Variants in XKR9 observed in about 807,000 individuals in gnomAD.
XKR9 encodes the protein XK-related protein 9.
Under a neutral mutation model 32.0 loss-of-function variants are expected in XKR9, and 32 were observed. That is an observed-to-expected ratio of 1.00 (90% CI 0.76 to 1.34). The LOEUF (loss-of-function observed/expected upper bound fraction) is 1.34, where lower values mean the gene tolerates loss of function less well. Ranked by LOEUF, XKR9 falls within the 40% of genes most tolerant of loss-of-function variation. XKR9 has a pLI of 0.00. For synonymous variants in XKR9, 168 were observed against 143.4 expected, an observed-to-expected ratio of 1.17 and a Z score of -1.22; for missense variants, 546 against 429.7, an observed-to-expected ratio of 1.27 and a Z score of -2.39.
chr8:70,929,982 C>A, the XKR9 span, among the ~76,000 whole-genome samples: 1 of 152,172 alleles, frequency 6.6e-6, no homozygotes, highest in African/African-American at 2.4e-5. Context: ...GTCACAGGCA[C>A]CTTCTTCAGA....
At chr8:71,040,072 A>G in the XKR9 span, among the ~76,000 whole-genome samples, 31 of 152,350 alleles carry the variant, frequency 2.0e-4, no homozygotes, top group East Asian at 3.9e-4. Context: ...GTAATTATAT[A>G]CAAAGAAAGC....
chr8:70,901,892 C>G, the XKR9 span, among the ~76,000 whole-genome samples: 61 of 152,098 alleles, frequency 4.0e-4, no homozygotes, highest in African/African-American at 1.5e-3. Context: ...GCCAGTTTTC[C>G]CAGCACCATT....
intron 2 of XKR9, among the ~76,000 whole-genome samples, chr8:70,752,712 A>G (rs761038997): frequency 1.3e-5 from 2 of 152,218 alleles, no homozygotes; most frequent in African/African-American, 4.8e-5. Context: ...TTTTGGTTTC[A>G]TCCAACGAGA....
At chr8:70,971,635 G>T in the XKR9 span, among the ~76,000 whole-genome samples, 18 of 152,206 alleles carry the variant, frequency 1.2e-4, no homozygotes, top group African/African-American at 4.3e-4. Context: ...GTTGATTTTT[G>T]TATAAGATGA....
At chr8:70,960,525 T>C in the XKR9 span, among the ~76,000 whole-genome samples, 1 of 152,154 alleles carries the variant, frequency 6.6e-6, no homozygotes, top group South Asian at 2.1e-4. Context: ...AAGTACTCTC[T>C]CCTTTCCTTA....
the XKR9 span, among the ~76,000 whole-genome samples, chr8:70,853,101 A>G: frequency 6.6e-6 from 1 of 152,080 alleles, no homozygotes; most frequent in South Asian, 2.1e-4. Flanking sequence ...TTGCAACAAC[A>G]TGGATGGAAG....
the XKR9 span, among the ~76,000 whole-genome samples, chr8:71,045,682 C>T: frequency 2.0e-5 from 3 of 152,136 alleles, no homozygotes; most frequent in Non-Finnish European, 4.4e-5. Flanking sequence ...GAGTCATAGG[C>T]CAGGGCCCTC....
intron 4 of XKR9, among the ~76,000 whole-genome samples, chr8:70,730,406 T>C (rs1806625193): frequency 6.6e-6 from 1 of 152,128 alleles, no homozygotes; most frequent in African/African-American, 2.4e-5. Flanking sequence ...AGCTCTTTTT[T>C]TCTAAAGAAA....
intron 2 of XKR9, among the ~76,000 whole-genome samples, chr8:70,786,764 A>G (rs1386548639): frequency 6.6e-6 from 1 of 152,118 alleles, no homozygotes; most frequent in Non-Finnish European, 1.5e-5. Context: ...ATTTACATTC[A>G]GGGAAATTAT....
At chr8:71,060,774 A>G in the XKR9 span, among the ~76,000 whole-genome samples, 1 of 152,200 alleles carries the variant, frequency 6.6e-6, no homozygotes, top group African/African-American at 2.4e-5. Context: ...CCAGTTAGGG[A>G]AGTACCCTTG....
the XKR9 span, among the ~76,000 whole-genome samples, chr8:71,012,650 G>A: frequency 6.6e-6 from 1 of 152,128 alleles, no homozygotes; most frequent in African/African-American, 2.4e-5. Context: ...GCCAGGCATT[G>A]TACTAAGTAC....
At chr8:70,904,186 G>C in the XKR9 span, among the ~76,000 whole-genome samples, 1 of 152,106 alleles carries the variant, frequency 6.6e-6, no homozygotes, top group Non-Finnish European at 1.5e-5. Context: ...TTAACTTTCT[G>C]TCTTGTTGAT....
At chr8:70,669,730 G>A (rs1210704542) in intron 1 of XKR9, among the ~76,000 whole-genome samples, 192 bp downstream of exon 1, 1 of 148,226 alleles carries the variant, frequency 6.7e-6, no homozygotes, top group Non-Finnish European at 1.5e-5. Context: ...GCAGTGGCGC[G>A]ATCTCGGCTC....
the XKR9 span, among the ~76,000 whole-genome samples, chr8:71,041,113 A>G: frequency 6.6e-6 from 1 of 152,198 alleles, no homozygotes; most frequent in African/African-American, 2.4e-5. Flanking sequence ...TGACAATGTC[A>G]TAGTCTGTGT....
At chr8:70,899,696 C>A in the XKR9 span, among the ~76,000 whole-genome samples, 1 of 152,086 alleles carries the variant, frequency 6.6e-6, no homozygotes, top group Non-Finnish European at 1.5e-5. Flanking sequence ...ACGCTTGCTC[C>A]TTTTGGCTGT....
the XKR9 span, among the ~76,000 whole-genome samples, chr8:70,980,547 A>G: frequency 1.3e-5 from 2 of 152,248 alleles, no homozygotes; most frequent in South Asian, 2.1e-4. Context: ...TCCTGAAGAC[A>G]GCAGAAACTT....
chr8:70,921,103 G>A, the XKR9 span, among the ~76,000 whole-genome samples: 10 of 152,314 alleles, frequency 6.6e-5, no homozygotes, highest in African/African-American at 2.4e-4. Flanking sequence ...TCCTAATTGT[G>A]GTGGACTATA....
At chr8:70,921,665 C>A in the XKR9 span, among the ~76,000 whole-genome samples, 2 of 152,110 alleles carry the variant, frequency 1.3e-5, no homozygotes, top group Non-Finnish European at 2.9e-5. Flanking sequence ...ATGTGATGGG[C>A]TGTGTAATTT....
At position 70,681,005 on chromosome 8, in the gene XKR9, TCC is replaced by T; in HGVS notation, c.-52_-51del. 1 of 1,536,594 alleles carries T rather than the reference TCC, an allele frequency of 6.5e-7. No homozygotes were observed. The highest frequency in any genetic ancestry group is 2.0e-5 in the Admixed American group (1 of 50,318). On this transcript the variant is annotated 5_prime_UTR_variant, in exon 3 of 5. Transcript: ENST00000408926. ...ATACTAATATTTGTTTGGCTTTTTT[TCC>T]CTTTTTGTGAGGGAGAAAAAAGTAG... is the stretch of plus-strand genomic sequence containing the variant.
Sources: allele counts gnomAD v4.1 joint callset (sites outside exome capture counted in the v4.1 genomes callset), GRCh38; gene constraint gnomAD v4.1.1; transcripts MANE v1.5; gene names NCBI Gene and HGNC (gene_info 2026-07-23, HGNC 2026-07-21).